The following GRIK4 variants were observed in gnomAD, a reference collection of about 807,000 sequenced individuals.
GRIK4 encodes glutamate receptor ionotropic, kainate 4.
Under a neutral mutation model 104.9 loss-of-function variants are expected in GRIK4, and 40 were observed. The observed-to-expected ratio is 0.38, with a 90% confidence interval of 0.30 to 0.50. GRIK4 has a LOEUF of 0.50. Among genes scored for constraint, GRIK4 ranks in the 20% least tolerant of loss-of-function variants. The probability of loss-of-function intolerance (pLI) is 0.93; values close to 1 mark genes in which losing one functional copy is unlikely to be tolerated. For missense variants in GRIK4, 1,047 were observed against 1,308.1 expected (o/e 0.80, Z 3.08); for synonymous variants, 485 against 524.9 (o/e 0.92, Z 1.04).
intron 1 of GRIK4, among the ~76,000 whole-genome samples, chr11:120,596,273 AG>A (rs1461739798): frequency 6.6e-6 from 1 of 152,232 alleles, no homozygotes; most frequent in African/African-American, 2.4e-5. Context: ...CATTGTGTGA[AG>A]TGTTGAGGTT....
intron 13 of GRIK4, among the ~76,000 whole-genome samples, chr11:120,916,703 A>G (rs1943111576): frequency 6.6e-6 from 1 of 152,258 alleles, no homozygotes; most frequent in Admixed American, 6.5e-5. Flanking sequence ...GAACAAAATT[A>G]TTTAAAATAT....
intron 1 of GRIK4, among the ~76,000 whole-genome samples, chr11:120,516,796 G>A (rs1947731448): frequency 1.3e-5 from 2 of 152,146 alleles, no homozygotes; most frequent in South Asian, 2.1e-4. Flanking sequence ...GGGGATGGGC[G>A]ATGCGAGGGG....
At chr11:120,865,599 C>G (rs1349471706) in intron 9 of GRIK4, among the ~76,000 whole-genome samples, 1 of 152,184 alleles carries the variant, frequency 6.6e-6, no homozygotes, top group Non-Finnish European at 1.5e-5. Flanking sequence ...GCAAAGACCT[C>G]TTAGTCCTAG....
intron 14 of GRIK4, among the ~76,000 whole-genome samples, chr11:120,942,860 A>T (rs1246416393): frequency 3.9e-5 from 6 of 152,122 alleles, no homozygotes; most frequent in African/African-American, 1.4e-4. Flanking sequence ...AACTACAATG[A>T]ATTGACTTCC....
chr11:120,840,882 GCTCCCCATTCCCC>G (rs1953695537), intron 8 of GRIK4, among the ~76,000 whole-genome samples: 2 of 151,828 alleles, frequency 1.3e-5, no homozygotes, highest in Non-Finnish European at 2.9e-5. Context: ...TTAAGCAATA[GCTCCCCATTCCCC>G]CTCCCCATGG....
At chr11:120,673,060 G>C (rs1950046235) in intron 3 of GRIK4, among the ~76,000 whole-genome samples, 1 of 152,164 alleles carries the variant, frequency 6.6e-6, no homozygotes, top group Non-Finnish European at 1.5e-5. Flanking sequence ...TTGGCTGTGA[G>C]ACCATCCTCT....
rs1190498414 is a variant in GRIK4, at chr11:120,952,930, C to T, written c.1666C>T (p.Leu556=). The T allele has an allele frequency of 6.2e-7, 1 of 1,613,780 alleles. No homozygotes were observed. Among genetic ancestry groups the T allele is most frequent in the Non-Finnish European group, 8.5e-7 (1 of 1,179,744 alleles). ...CTGGCTCTTCATGCTTCTAGCCTAT[C>T]TGGCCGTCAGCTGTGTCCTCTTCCT... The part of the protein sequence containing the change: ...GVWLFMLLAY[L]AVSCVLFLVA... Residue 556 remains leucine (L), a synonymous_variant, in exon 15 of 21, where the codon CTG becomes TTG. Transcript: ENST00000527524. The surrounding 1 kb of genome is among the most constrained non-coding windows in gnomAD (Gnocchi z 5.2).
chr11:120,770,470 A>G (rs1031455571), intron 3 of GRIK4, among the ~76,000 whole-genome samples: 15 of 152,170 alleles, frequency 9.9e-5, no homozygotes, highest in African/African-American at 3.6e-4. Context: ...CTCTTCTCTG[A>G]CCTTGCTCCA....
chr11:120,543,997 T>G (rs1286752273), intron 1 of GRIK4, among the ~76,000 whole-genome samples: 1 of 152,218 alleles, frequency 6.6e-6, no homozygotes, highest in African/African-American at 2.4e-5. Context: ...AAATGAGTTG[T>G]TGGTCAGAGG....
chr11:120,576,414 C>G (rs1948484814), intron 1 of GRIK4: 3 of 152,192 alleles, frequency 2.0e-5, no homozygotes, highest in Non-Finnish European at 2.9e-5. Context: ...GGAAGACCCC[C>G]CATTTCTGCT....
At chr11:120,906,517 A>G (rs560070665) in intron 13 of GRIK4, among the ~76,000 whole-genome samples, 33 of 152,344 alleles carry the variant, frequency 2.2e-4, no homozygotes, top group Admixed American at 9.1e-4. Flanking sequence ...GTCGGGAGCT[A>G]TACTGTTAGC....
At chr11:120,641,013 A>G (rs1253158128) in intron 1 of GRIK4, among the ~76,000 whole-genome samples, 1 of 152,210 alleles carries the variant, frequency 6.6e-6, no homozygotes, top group Non-Finnish European at 1.5e-5. Flanking sequence ...CGCCCGGCCC[A>G]GAAATGCTAA....
chr11:120,882,848 A>C (rs914305011), intron 11 of GRIK4, among the ~76,000 whole-genome samples: 2 of 152,012 alleles, frequency 1.3e-5, no homozygotes, highest in Non-Finnish European at 2.9e-5. Context: ...GGCCCTTCTG[A>C]GGCTCTGCCC....
intron 1 of GRIK4, among the ~76,000 whole-genome samples, chr11:120,606,240 C>T (rs1037973412): frequency 5.9e-5 from 9 of 152,178 alleles, no homozygotes; most frequent in Admixed American, 1.3e-4. Context: ...GATTTGTCCT[C>T]GTACAGTGTT....
chr11:120,830,780 TCA>T (rs1422684232), intron 6 of GRIK4, among the ~76,000 whole-genome samples: 2 of 152,152 alleles, frequency 1.3e-5, no homozygotes, highest in African/African-American at 4.8e-5. Flanking sequence ...GTTGCCCTTA[TCA>T]TTGCTTTTGG....
intron 3 of GRIK4, among the ~76,000 whole-genome samples, chr11:120,777,315 C>T (rs943313918): frequency 2.0e-5 from 3 of 152,210 alleles, no homozygotes; most frequent in South Asian, 2.1e-4. Context: ...CTGCAATTTC[C>T]CTTCTCCAAC....
chr11:120,981,552 G>A (rs2134798813), intron 19 of GRIK4, among the ~76,000 whole-genome samples: 1 of 152,258 alleles, frequency 6.6e-6, no homozygotes, highest in South Asian at 2.1e-4. Flanking sequence ...AGTTCTGATG[G>A]CAGCTGGTTT....
chr11:120,627,241 AT>A (rs1949272359), intron 1 of GRIK4, among the ~76,000 whole-genome samples: 1 of 152,218 alleles, frequency 6.6e-6, no homozygotes, highest in Non-Finnish European at 1.5e-5. Flanking sequence ...TTCTTCCTTC[AT>A]TCACAAGAAA....
At chr11:120,684,602 T>C (rs1024359738) in intron 3 of GRIK4, among the ~76,000 whole-genome samples, 5 of 152,230 alleles carry the variant, frequency 3.3e-5, no homozygotes, top group Admixed American at 2.0e-4. Context: ...TCTAAATATA[T>C]GGTAAAGAGC....
Sources: allele counts gnomAD v4.1 joint callset (sites outside exome capture counted in the v4.1 genomes callset), GRCh38; gene constraint gnomAD v4.1.1; non-coding constraint Gnocchi (gnomAD v3.1); transcripts MANE v1.5; gene names NCBI Gene and HGNC (gene_info 2026-07-23, HGNC 2026-07-21).